Variants in NYAP2 observed in about 807,000 individuals in gnomAD.
NYAP2 encodes neuronal tyrosine-phosphorylated phosphoinositide-3-kinase adaptor 2, also known as neuronal tyrosine-phosphorylated phosphoinositide-3-kinase adapter 2.
A neutral mutation model predicts 50.4 loss-of-function variants in NYAP2; 23 were observed. That is an observed-to-expected ratio of 0.46 (90% CI 0.33 to 0.65). The LOEUF (loss-of-function observed/expected upper bound fraction) is 0.65. Ranked by LOEUF, NYAP2 falls within the 30% of genes least tolerant of loss-of-function variation. The pLI, the probability that NYAP2 is intolerant of heterozygous loss-of-function variation, is 0.02. For missense variants in NYAP2, 885 were observed against 861.0 expected, an observed-to-expected ratio of 1.03 and a Z score of -0.35; for synonymous variants, 394 against 365.2, an observed-to-expected ratio of 1.08 and a Z score of -0.90.
intron 3 of NYAP2, among the ~76,000 whole-genome samples, chr2:225,457,185 C>G (rs1445820119): frequency 2.0e-5 from 3 of 152,136 alleles, no homozygotes; most frequent in Non-Finnish European, 4.4e-5. Context: ...TGTGCTTTTC[C>G]TATAATATCG....
intron 4 of NYAP2, among the ~76,000 whole-genome samples, chr2:225,554,364 A>C (rs1239150752): frequency 1.3e-5 from 2 of 149,438 alleles, no homozygotes; most frequent in Non-Finnish European, 3.0e-5. Context: ...TCTGTCACCC[A>C]AGCTGGAGTG....
Position 225,582,325 on chromosome 2 carries a change from A to T in NYAP2, c.908A>T (p.Asp303Val). 6.2e-7 allele frequency: 1 copy of T among 1,613,972 alleles called. No homozygotes were observed. The highest frequency in any genetic ancestry group is 8.5e-7 in the Non-Finnish European group (1 of 1,179,854). ...CAGTGTGCTACTCCCACGGTGCCTG[A>T]CTTGGACTTCGCCAAGGCCTCAGTG... Residue 303 changes from aspartate (D) to valine (V), a missense_variant, in exon 5 of 7, where the codon GAC becomes GTC. Coordinates refer to ENST00000636099, the Ensembl canonical transcript of NYAP2. The surrounding 1 kb of genome is among the most constrained non-coding windows in gnomAD (Gnocchi z 7.0).
the NYAP2 span, among the ~76,000 whole-genome samples, chr2:225,667,065 C>T: frequency 7.9e-5 from 12 of 151,988 alleles, no homozygotes; most frequent in Non-Finnish European, 1.6e-4. Flanking sequence ...TCTCCAGACC[C>T]GTTAGATAGG....
chr2:225,631,775 G>A (rs1418412482), intron 6 of NYAP2, among the ~76,000 whole-genome samples: 1 of 152,178 alleles, frequency 6.6e-6, no homozygotes, highest in African/African-American at 2.4e-5. Context: ...TAGAGTATCT[G>A]AAGTTCACAC....
At chr2:225,589,186 G>C (rs1252327222) in intron 5 of NYAP2, among the ~76,000 whole-genome samples, 5 of 152,202 alleles carry the variant, frequency 3.3e-5, no homozygotes, top group Admixed American at 6.5e-5. Context: ...CTGCAACATA[G>C]AGACTGTGTG....
At chr2:225,585,521 G>T (rs993594700) in intron 5 of NYAP2, among the ~76,000 whole-genome samples, 1 of 152,196 alleles carries the variant, frequency 6.6e-6, no homozygotes, top group Non-Finnish European at 1.5e-5. Context: ...CTTGTACATG[G>T]AAGAGTGGTC....
At chr2:225,455,749 C>T (rs1689729218) in intron 3 of NYAP2, among the ~76,000 whole-genome samples, 1 of 152,164 alleles carries the variant, frequency 6.6e-6, no homozygotes, top group Admixed American at 6.5e-5. Context: ...AGGGTTCTCT[C>T]ACACATATCT....
At chr2:225,609,643 GA>G (rs1692846690) in intron 5 of NYAP2, among the ~76,000 whole-genome samples, 1 of 152,106 alleles carries the variant, frequency 6.6e-6, no homozygotes, top group South Asian at 2.1e-4. Context: ...GAGGTAACAG[GA>G]TGAGAATCAG....
intron 6 of NYAP2, among the ~76,000 whole-genome samples, chr2:225,636,789 T>A (rs765369489): frequency 6.6e-6 from 1 of 152,144 alleles, no homozygotes; most frequent in East Asian, 1.9e-4. Flanking sequence ...CATGTGAACA[T>A]GCCTGGGCTA....
chr2:225,699,721 T>C, the NYAP2 span: 1 of 151,840 alleles, frequency 6.6e-6, no homozygotes, highest in African/African-American at 2.4e-5. Context: ...AGAATTATGA[T>C]CATGTTTCAT....
chr2:225,662,921 C>G, the NYAP2 span, among the ~76,000 whole-genome samples: 5 of 152,158 alleles, frequency 3.3e-5, no homozygotes, highest in Non-Finnish European at 7.3e-5. Context: ...TCATATCCGA[C>G]GATCGCAGTC....
intron 3 of NYAP2, among the ~76,000 whole-genome samples, chr2:225,450,659 T>A (rs558383005): frequency 3.9e-5 from 6 of 152,240 alleles, no homozygotes; most frequent in African/African-American, 1.4e-4. Flanking sequence ...AGTGAATTTG[T>A]GCATTTACAT....
intron 5 of NYAP2, among the ~76,000 whole-genome samples, chr2:225,615,229 G>C (rs908246850): frequency 6.6e-6 from 1 of 152,164 alleles, no homozygotes; most frequent in Non-Finnish European, 1.5e-5. Context: ...CATGTGGCTA[G>C]TCTCTTGACT....
intron 6 of NYAP2, among the ~76,000 whole-genome samples, chr2:225,635,577 C>A (rs1559236286): frequency 6.6e-6 from 1 of 152,190 alleles, no homozygotes; most frequent in African/African-American, 2.4e-5. Context: ...AAGATCAGCA[C>A]ATTGCAAATA....
rs975098690 is a variant in NYAP2, at chr2:225,621,147, G to A, written c.1619-5770G>A. ...AAAAAAAAAAAATCTAGAAGAGAAG[G>A]TGGGCTGAAGTAGATGGGTCGTTAG... On this transcript the variant is annotated intron_variant, in intron 5 of 6. Transcript: ENST00000636099. Among the ~76,000 whole-genome samples the A allele has an allele frequency of 2.6e-5, 4 of 151,856 alleles. No individual in the cohort carries two copies. In the South Asian group the frequency reaches 6.2e-4, roughly 24 times the overall value.
intron 6 of NYAP2, among the ~76,000 whole-genome samples, chr2:225,645,055 T>C (rs1693604636): frequency 1.3e-5 from 2 of 151,820 alleles, no homozygotes; most frequent in South Asian, 4.2e-4. Context: ...AGATCAGGGG[T>C]TCGAGACCAG....
chr2:225,585,024 T>C (rs1190850453), intron 5 of NYAP2, among the ~76,000 whole-genome samples: 1 of 152,168 alleles, frequency 6.6e-6, no homozygotes, highest in Non-Finnish European at 1.5e-5. Context: ...CAGCATGTAA[T>C]GCACAAGACT....
At chr2:225,486,198 A>G (rs1292278975) in intron 3 of NYAP2, among the ~76,000 whole-genome samples, 1 of 152,184 alleles carries the variant, frequency 6.6e-6, no homozygotes. Context: ...CAAGTGTGAA[A>G]AAGAGGAGAC....
chr2:225,529,614 C>T (rs11695949), intron 4 of NYAP2, among the ~76,000 whole-genome samples: 45,901 of 152,090 alleles, frequency 0.3, 7,108 homozygotes, highest in South Asian at 0.48. Context: ...CATGAACTAC[C>T]GTGCCTGGCC....
Sources: gnomAD v4.1 joint callset for allele counts (sites outside exome capture counted in the v4.1 genomes callset) on GRCh38, gnomAD v4.1.1 for gene constraint, Gnocchi (gnomAD v3.1) non-coding constraint, MANE v1.5 for transcripts, NCBI Gene and HGNC (gene_info 2026-07-23, HGNC 2026-07-21) for gene names.